Variants in PBRM1 observed in about 807,000 individuals in gnomAD.
PBRM1 encodes the protein polybromo 1.
In PBRM1, 27 loss-of-function variants were observed where a neutral mutation model predicts 194.5. That is an observed-to-expected ratio of 0.14 (90% CI 0.10 to 0.19). PBRM1 has a LOEUF of 0.19. PBRM1 is among the 10% of genes least tolerant of loss of function. PBRM1 has a pLI of 1.00. For missense variants in PBRM1, 1,466 were observed against 2,077.2 expected, an observed-to-expected ratio of 0.71 and a Z score of 5.72; for synonymous variants, 655 against 693.2, an observed-to-expected ratio of 0.94 and a Z score of 0.87.
chr3:52,638,994 G>C (rs946565606), intron 10 of PBRM1, among the ~76,000 whole-genome samples: 2 of 119,784 alleles, frequency 1.7e-5, no homozygotes, highest in African/African-American at 3.1e-5. Flanking sequence ...TTTGGGGGGG[G>C]GGGGCGGGGG....
At chr3:52,548,270 A>G in intron 29 of PBRM1, 35 bp from the exon 32 acceptor site, 1 of 1,523,914 alleles carries the variant, frequency 6.6e-7, no homozygotes, top group Non-Finnish European at 8.8e-7. Flanking sequence ...AGAAATTAGA[A>G]TTTTAAGTTG....
At chr3:52,594,646 A>C (rs1163799130) in intron 17 of PBRM1, among the ~76,000 whole-genome samples, 1 of 152,078 alleles carries the variant, frequency 6.6e-6, no homozygotes, top group Non-Finnish European at 1.5e-5. Flanking sequence ...AGCTGGAAGC[A>C]ATCTTGTTTG....
intron 5 of PBRM1, 74 bp downstream of exon 6, chr3:52,658,125 C>T (rs1383331230): frequency 3.9e-6 from 3 of 762,726 alleles, no homozygotes; most frequent in Non-Finnish European, 7.1e-6. Context: ...CTTTATTTAT[C>T]AGTAATTAAT....
chr3:52,645,594 T>G (rs2096268832), intron 7 of PBRM1, among the ~76,000 whole-genome samples: 1 of 151,712 alleles, frequency 6.6e-6, no homozygotes, highest in South Asian at 2.1e-4. Context: ...ATTGCCAGCA[T>G]CACAACTCTT....
intron 13 of PBRM1, among the ~76,000 whole-genome samples, chr3:52,626,593 C>T (rs887677933): frequency 2.0e-5 from 3 of 152,030 alleles, no homozygotes; most frequent in Admixed American, 6.6e-5. Flanking sequence ...AATGATCAGG[C>T]GAGAGAAACT....
At chr3:52,652,923 A>C (rs1480621736) in intron 5 of PBRM1, among the ~76,000 whole-genome samples, 1 of 151,938 alleles carries the variant, frequency 6.6e-6, no homozygotes, top group Admixed American at 6.6e-5. Flanking sequence ...ACTTGAGCGC[A>C]GGAGATGGAG....
At chr3:52,617,595 A>G (rs1273766007) in intron 13 of PBRM1, 57 bp from the exon 16 acceptor site, 1 of 1,294,838 alleles carries the variant, frequency 7.7e-7, no homozygotes, top group Admixed American at 2.2e-5. Flanking sequence ...TTTTCTTAAT[A>G]TACGGATGAC....
rs959363464 is a variant in PBRM1 at position 52,657,345 on chromosome 3, TCAAAAAA to T, written c.645+847_645+853del. Among the ~76,000 whole-genome samples the T allele has an allele frequency of 5.9e-4, 89 of 151,822 alleles. 1 individual carries two copies. The highest frequency in any genetic ancestry group is 2.1e-3 in the African/African-American group (85 of 41,396). ...AGAAACAAATAAAAATAATTACCAA[TCAAAAAA>T]CAAAAAACGTAAAAATAAAAAAATA... On this transcript the variant is annotated intron_variant, in intron 5 of 29. Transcript: ENST00000296302.
At chr3:52,618,657 C>T (rs1424248071) in intron 13 of PBRM1, among the ~76,000 whole-genome samples, 3 of 148,112 alleles carry the variant, frequency 2.0e-5, no homozygotes, top group African/African-American at 2.5e-5. Flanking sequence ...TGCAATGGCA[C>T]GATCTCAGCT....
chr3:52,643,766 T>TC (rs2096199793), intron 8 of PBRM1, among the ~76,000 whole-genome samples: 1 of 152,132 alleles, frequency 6.6e-6, no homozygotes, highest in African/African-American at 2.4e-5. Context: ...GGTCAGGAGT[T>TC]CAAGACCAGC....
At chr3:52,572,074 A>G (rs2087549910) in intron 22 of PBRM1, among the ~76,000 whole-genome samples, 1 of 151,088 alleles carries the variant, frequency 6.6e-6, no homozygotes, top group African/African-American at 2.4e-5. Context: ...TTCATTTACT[A>G]ATTTTAATAG....
Position 52,587,073 on chromosome 3 carries a change from A to T in PBRM1, c.3123+280T>A, listed in dbSNP as rs536775847. 1.5e-3 allele frequency among the ~76,000 whole-genome samples: 221 copies of T among 152,308 alleles called. 1 individual carries two copies. The highest frequency in any genetic ancestry group is 2.4e-3 in the Non-Finnish European group (160 of 68,030). ...CTAAAAAACAAACTGAAAATTTGTA[A>T]TGATTATCCTTAAAAAAACATCATA... On this transcript the variant is annotated intron_variant, in intron 19 of 29. Transcript: ENST00000296302.
At chr3:52,615,278 ATAT>A (rs1227101580) in intron 15 of PBRM1, 70 bp downstream of exon 17, 1 of 796,540 alleles carries the variant, frequency 1.3e-6, no homozygotes, top group African/African-American at 1.7e-5. Context: ...ATTTAATTAA[ATAT>A]TATTTCAGAA....
chr3:52,671,632 C>T (rs1416705923), intron 2 of PBRM1, among the ~76,000 whole-genome samples: 2 of 152,196 alleles, frequency 1.3e-5, no homozygotes, highest in Non-Finnish European at 2.9e-5. Context: ...TGGGAAAATG[C>T]TTGGTATTGT....
At chr3:52,561,885 G>A (rs2153492538) in exon 25 of PBRM1, 1 of 1,614,066 alleles carries the variant, frequency 6.2e-7, no homozygotes, top group Non-Finnish European at 8.5e-7. Context: ...TCATCTCACT[G>A]CTGAACAGGA....
chr3:52,678,733 G>A, intron 1 of PBRM1, 136 bp from the exon 3 acceptor site: 1 of 582,494 alleles, frequency 1.7e-6, no homozygotes, highest in East Asian at 2.8e-5. Context: ...TACCAAACAT[G>A]CTAAAGTCTG....
At chr3:52,680,089 C>A (rs561461326), upstream of PBRM1, among the ~76,000 whole-genome samples, 1 of 152,150 alleles carries the variant, frequency 6.6e-6, no homozygotes, top group Non-Finnish European at 1.5e-5. Context: ...ATGAGGCAGT[C>A]AGGCAGGCCT....
At chr3:52,575,424 A>T (rs922660789) in intron 22 of PBRM1, among the ~76,000 whole-genome samples, 1 of 152,138 alleles carries the variant, frequency 6.6e-6, no homozygotes, top group Non-Finnish European at 1.5e-5. Context: ...CAGCCCATTC[A>T]TAAGAAAAAA....
intron 10 of PBRM1, among the ~76,000 whole-genome samples, chr3:52,641,433 C>T (rs1229712010): frequency 2.0e-4 from 22 of 110,378 alleles, no homozygotes; most frequent in East Asian, 5.1e-4. Context: ...GGCAACAGAG[C>T]GAGACTCCAT....
Sources: allele counts gnomAD v4.1 joint callset (sites outside exome capture counted in the v4.1 genomes callset), GRCh38; gene constraint gnomAD v4.1.1; transcripts MANE v1.5; gene names NCBI Gene and HGNC (gene_info 2026-07-23, HGNC 2026-07-21).